LOXL3: variants seen among roughly 807,000 people sequenced by gnomAD.
LOXL3 encodes the protein lysyl oxidase homolog 3.
A neutral mutation model predicts 91.8 loss-of-function variants in LOXL3; 60 were observed. The ratio of observed to expected loss-of-function variants is 0.65; its 90% CI spans 0.53 to 0.81. The LOEUF is 0.81. LOXL3 is among the 30% of genes least tolerant of loss of function. LOXL3 has a pLI of 0.00. For synonymous variants in LOXL3, 355 were observed against 387.6 expected (o/e 0.92, Z 0.99); for missense variants, 874 against 1,000.4 (o/e 0.87, Z 1.70).
In LOXL3 at chr2:74,533,869, TC is replaced by T. The variant is rs1452145845; in HGVS notation, c.2188+12del. 1 of 1,602,598 alleles carries T rather than the reference TC, an allele frequency of 6.2e-7. No homozygotes were observed. On this transcript the variant is annotated intron_variant, in intron 13 of 13. Transcript: ENST00000264094. Reference sequence around the variant, plus strand: ...TCCCCTAATCTTCCTGGGTTGCTCTTCCCATCAAATACCAATGTGGCAGTTG... The same window carrying T: ...TCCCCTAATCTTCCTGGGTTGCTCTTCCATCAAATACCAATGTGGCAGTTG...
At chr2:74,554,409 G>GTA, upstream of LOXL3, 1 of 297,734 alleles carries the variant, frequency 3.4e-6, no homozygotes. The surrounding 1 kb of genome is among the most constrained non-coding windows in gnomAD (Gnocchi z 4.9). Flanking sequence ...GGGCGCTTTC[G>GTA]GGGTGATGTC....
At chr2:74,554,495 C>A (rs1677252466), upstream of LOXL3, 1 of 556,518 alleles carries the variant, frequency 1.8e-6, no homozygotes, top group Non-Finnish European at 3.2e-6. This position sits in a 1 kb window ranked among gnomAD's most constrained non-coding sequence, Gnocchi z 4.9. Context: ...AGGGCCCTCG[C>A]GCCAAAACCG....
rs770503281 is a variant in LOXL3, at chr2:74,533,946, G to A, written c.2124C>T (p.Asn708=). 1 of 1,614,134 alleles carries A rather than the reference G, an allele frequency of 6.2e-7. No individual in the cohort carries two copies. Among genetic ancestry groups the A allele is most frequent in the Admixed American group, 1.7e-5 (1 of 60,008 alleles). The part of the protein sequence containing the change: ...NFEVAESDFT[N]NAMKCNCKYD... ...ATTTGCAGTTACATTTCATTGCATT[G>A]TTGGTAAAGTCACTCTCTGCTACTT... Residue 708 remains asparagine, a synonymous_variant, in exon 13 of 14, where the codon AAC becomes AAT. Transcript: ENST00000264094.
In LOXL3 at chr2:74,536,970, T is replaced by A; in HGVS notation, c.693-42A>T. 3 of 1,537,370 alleles carry A rather than the reference T, an allele frequency of 2.0e-6. No individual in the cohort carries two copies. The highest frequency in any genetic ancestry group is 2.7e-6 in the Non-Finnish European group (3 of 1,116,312). Reference sequence around the variant, plus strand: ...GAGGTGCAGTAGGGTAAAACAATGCTCCTGCCTCTTGGCCCCACAAACATC... The same window carrying A: ...GAGGTGCAGTAGGGTAAAACAATGCACCTGCCTCTTGGCCCCACAAACATC... On this transcript the variant is annotated intron_variant, in intron 4 of 13. Transcript: ENST00000264094. The surrounding 1 kb of genome is among the most constrained non-coding windows in gnomAD (Gnocchi z 4.5).
At position 74,534,297 on chromosome 2, in the gene LOXL3, A is replaced by AC. The variant is rs778302814; in HGVS notation, c.1939+18dup. On this transcript the variant is annotated intron_variant, in intron 11 of 13. Coordinates refer to ENST00000264094, the MANE Select transcript of LOXL3 (RefSeq NM_032603.5). ...CTGTGCAATGGATACCATGTGGTTC[A>AC]CTTCAGTCCCCAACTCACCCTCCTG... The AC allele has an allele frequency of 1.2e-5, 20 of 1,614,192 alleles. 1 individual carries two copies. In the East Asian group the frequency reaches 4.5e-4, roughly 36 times the overall value.
Position 74,532,869 on chromosome 2 carries a change from G to A in LOXL3, c.*737C>T, listed in dbSNP as rs200080256. The A allele has an allele frequency of 1.9e-6, 3 of 1,614,110 alleles. No individual in the cohort carries two copies. The highest frequency in any genetic ancestry group is 2.5e-6 in the Non-Finnish European group (3 of 1,180,014). On this transcript the variant is annotated 3_prime_UTR_variant, in exon 14 of 14. Transcript: ENST00000264094. ...GATTTTGGCCATTGGGGAGCAGATG[G>A]TACAAAATGCTGAAGATGTTTATGA...
chr2:74,540,541 C>G (rs1676267338), intron 4 of LOXL3, among the ~76,000 whole-genome samples: 1 of 152,166 alleles, frequency 6.6e-6, no homozygotes, highest in Admixed American at 6.5e-5. Context: ...GACTGGGGAA[C>G]ACAGGCCAGG....
rs758108369 is a variant in LOXL3 at position 74,532,634 on chromosome 2, A to G, written c.*972T>C. The stretch of plus-strand genomic sequence containing the variant: ...GTACTTTCAGCATCCTTGCTGAACT[A>G]CAGCTTCGAGAACCAAGCTTTCCCG... On this transcript the variant is annotated 3_prime_UTR_variant, in exon 14 of 14. Transcript: ENST00000264094. 1.2e-4 allele frequency: 196 copies of G among 1,613,420 alleles called. No homozygotes were observed. The highest frequency in any genetic ancestry group is 1.6e-4 in the Non-Finnish European group (189 of 1,180,012).
Position 74,536,569 on chromosome 2 carries a change from T to A in LOXL3, c.913-98A>T. On this transcript the variant is annotated intron_variant, in intron 5 of 13. Coordinates refer to ENST00000264094, the MANE Select transcript of LOXL3 (RefSeq NM_032603.5). The surrounding 1 kb of genome is among the most constrained non-coding windows in gnomAD (Gnocchi z 4.5). ...TGAGTGAGACTTTGGTGGAAGGGAG[T>A]GGGTGGTATCAGGTCTGTGGCCCAC... The A allele has an allele frequency of 6.9e-7, 1 of 1,453,844 alleles. No homozygotes were observed. The allele number at this position is 1,453,844 out of a possible 1,614,324, so 90.1% of individuals were successfully genotyped here.
chr2:74,545,665 G>A (rs1676547106), intron 4 of LOXL3, among the ~76,000 whole-genome samples: 1 of 152,062 alleles, frequency 6.6e-6, no homozygotes, highest in Admixed American at 6.6e-5. Context: ...TCTCCTCTTC[G>A]AAGCACTTTA....
chr2:74,555,228 T>C, upstream of LOXL3: 1 of 1,613,706 alleles, frequency 6.2e-7, no homozygotes, highest in South Asian at 1.1e-5. This position sits in a 1 kb window ranked among gnomAD's most constrained non-coding sequence, Gnocchi z 6.1. Context: ...TCTTTGACCA[T>C]AAGGGGTCGA....
At position 74,549,779 on chromosome 2, in the gene LOXL3, G is replaced by A; in HGVS notation, c.478-196C>T. 7.0e-7 allele frequency: 1 copy of A among 1,425,076 alleles called. No individual in the cohort carries two copies. The highest frequency in any genetic ancestry group is 9.2e-7 in the Non-Finnish European group (1 of 1,092,364). The allele number at this position is 1,425,076 out of a possible 1,614,324, so 88.3% of individuals were successfully genotyped here. On this transcript the variant is annotated intron_variant, in intron 3 of 13. Coordinates refer to ENST00000264094, the MANE Select transcript of LOXL3 (RefSeq NM_032603.5). The surrounding 1 kb of genome is among the most constrained non-coding windows in gnomAD (Gnocchi z 5.3). Reference sequence around the variant, plus strand: ...TTGCAGCCAGCAGCGCGTGGGATGTGCTGTGCTCCCAGAGAGGATTCAGGG... The same window carrying A: ...TTGCAGCCAGCAGCGCGTGGGATGTACTGTGCTCCCAGAGAGGATTCAGGG...
intron 1 of LOXL3, chr2:74,552,988 A>C: frequency 3.9e-6 from 1 of 259,042 alleles, no homozygotes; most frequent in East Asian, 7.1e-5. Context: ...TGTGAGAGGA[A>C]GGGAGACTGT....
At position 74,549,127 on chromosome 2, in the gene LOXL3, G is replaced by A. The variant is rs2104439499; in HGVS notation, c.692+242C>T. Reference sequence around the variant, plus strand: ...GCCGAGGAATCCGCCTGCCCGCCCAGGCGTCGGCCACGAGAGAGCGGGAGC... The same window carrying A: ...GCCGAGGAATCCGCCTGCCCGCCCAAGCGTCGGCCACGAGAGAGCGGGAGC... On this transcript the variant is annotated intron_variant, in intron 4 of 13. Transcript: ENST00000264094. The surrounding 1 kb of genome is among the most constrained non-coding windows in gnomAD (Gnocchi z 5.3). 2.6e-6 allele frequency: 1 copy of A among 383,604 alleles called. No individual in the cohort carries two copies. The highest frequency in any genetic ancestry group is 4.1e-5 in the East Asian group (1 of 24,674). 23.8% of individuals were successfully genotyped at this position (383,604 alleles called of 1,614,324 possible). A position where few individuals can be genotyped will look rare whatever the true frequency, so the allele number is the denominator to read the frequency against.
chr2:74,542,566 T>G (rs1434722685), intron 4 of LOXL3, among the ~76,000 whole-genome samples: 1 of 151,272 alleles, frequency 6.6e-6, no homozygotes, highest in Non-Finnish European at 1.5e-5. Flanking sequence ...TCTCCTCCCC[T>G]TCACAGTAAC....
chr2:74,544,201 T>C (rs905635263), intron 4 of LOXL3, among the ~76,000 whole-genome samples: 1 of 152,162 alleles, frequency 6.6e-6, no homozygotes, highest in East Asian at 1.9e-4. Flanking sequence ...CTCAGGAGGC[T>C]GAAGCAGAAG....
intron 4 of LOXL3, among the ~76,000 whole-genome samples, chr2:74,540,267 G>T (rs564846896): frequency 1.3e-5 from 2 of 152,326 alleles, no homozygotes; most frequent in Non-Finnish European, 2.9e-5. Context: ...ATTAGCTAGG[G>T]CAGATGGCAA....
At chr2:74,534,833 C>T (rs1276850334) in intron 9 of LOXL3, 59 bp from the exon 10 acceptor site, 39 of 1,552,726 alleles carry the variant, frequency 2.5e-5, no homozygotes, top group Non-Finnish European at 3.3e-5. Flanking sequence ...GAGAGGGGTG[C>T]TTCCATCCCT....
At chr2:74,555,117 C>T (rs1289341265), upstream of LOXL3, 5 of 1,581,054 alleles carry the variant, frequency 3.2e-6, no homozygotes, top group East Asian at 6.8e-5. The surrounding 1 kb of genome is among the most constrained non-coding windows in gnomAD (Gnocchi z 6.1). Context: ...CGCCTGCGCA[C>T]GCCACTCCCT....
Sources: gnomAD v4.1 joint callset for allele counts (sites outside exome capture counted in the v4.1 genomes callset) on GRCh38, gnomAD v4.1.1 for gene constraint, Gnocchi (gnomAD v3.1) non-coding constraint, MANE v1.5 for transcripts, NCBI Gene and HGNC (gene_info 2026-07-23, HGNC 2026-07-21) for gene names.